The following ACADL variants were observed in gnomAD, a reference collection of about 807,000 sequenced individuals.
The protein encoded by ACADL is acyl-CoA dehydrogenase long chain, also known as long-chain specific acyl-CoA dehydrogenase, mitochondrial.
In ACADL, 60 loss-of-function variants were observed where a neutral mutation model predicts 56.9. The ratio of observed to expected loss-of-function variants is 1.05; its 90% CI spans 0.86 to 1.31. The LOEUF is 1.31. Among genes scored for constraint, ACADL ranks in the 50% most tolerant of loss-of-function variants. The pLI, the probability that ACADL is intolerant of heterozygous loss-of-function variation, is 0.00. For missense variants in ACADL, 484 were observed against 525.5 expected (o/e 0.92, Z 0.77); for synonymous variants, 158 against 179.7 (o/e 0.88, Z 0.97).
chr2:210,188,816 CTTATAT>C lies in ACADL; in HGVS notation c.*139_*144del, dbSNP rs1559631046. ...AGATTTGTCCTTCCACTGTGTTAAT[CTTATAT>C]TTATATTTTATTTCCTTCTCTATAG... On this transcript the variant is annotated 3_prime_UTR_variant, in exon 11 of 11. Transcript: ENST00000233710. The C allele has an allele frequency of 8.9e-6, 6 of 670,804 alleles. No homozygotes were observed. Among genetic ancestry groups the C allele is most frequent in the Middle Eastern group, 2.6e-4 (1 of 3,888 alleles). The allele number at this position is 670,804 out of a possible 1,614,324, so 41.6% of individuals were successfully genotyped here.
At chr2:210,191,212 C>T (rs1688628229) in intron 10 of ACADL, among the ~76,000 whole-genome samples, 1 of 152,078 alleles carries the variant, frequency 6.6e-6, no homozygotes, top group South Asian at 2.1e-4. Context: ...CGCACGTGGC[C>T]TCAGTGGCTT....
chr2:210,189,033 A>T lies in ACADL; in HGVS notation c.1221T>A (p.Val407=), dbSNP rs756382365. 1 of 1,612,908 alleles carries T rather than the reference A, an allele frequency of 6.2e-7. No homozygotes were observed. Among genetic ancestry groups the T allele is most frequent in the Non-Finnish European group, 8.5e-7 (1 of 1,178,998 alleles). Residue 407 remains valine (V), a synonymous_variant, in exon 11 of 11, where the codon GTT becomes GTA. Coordinates refer to ENST00000233710, the MANE Select transcript of ACADL (RefSeq NM_001608.4). ...PIAKAYVDAR[V]QPIYGGTNEI... The stretch of plus-strand genomic sequence containing the variant: ...CATTTGTACCACCATAGATTGGCTG[A>T]ACTCTGGCATCCACATAAGCTCTGG...
intron 10 of ACADL, 35 bp downstream of exon 10, chr2:210,192,769 T>C: frequency 6.6e-7 from 1 of 1,518,468 alleles, no homozygotes; most frequent in Non-Finnish European, 9.1e-7. Context: ...TTTCTTCACA[T>C]CATAAAGAAG....
At chr2:210,192,212 T>A (rs1444628288) in intron 10 of ACADL, among the ~76,000 whole-genome samples, 1 of 151,530 alleles carries the variant, frequency 6.6e-6, no homozygotes, top group Non-Finnish European at 1.5e-5. Flanking sequence ...TTTGGCCGGA[T>A]GCAGTGGCTC....
intron 1 of ACADL, chr2:210,224,965 C>T: frequency 1.5e-6 from 2 of 1,375,522 alleles, no homozygotes; most frequent in Non-Finnish European, 1.9e-6. Context: ...GGTCTGTTCT[C>T]GGGGCGGCAC....
intron 8 of ACADL, among the ~76,000 whole-genome samples, chr2:210,200,726 G>A (rs1233807027): frequency 6.6e-6 from 1 of 152,142 alleles, no homozygotes; most frequent in Non-Finnish European, 1.5e-5. Flanking sequence ...GATGGAAAAA[G>A]TTAATTTGAT....
Position 210,188,082 on chromosome 2 carries a change from CTTAT to C in ACADL, c.*875_*878del, listed in dbSNP as rs1265409544. 1 of 152,092 alleles carries C rather than the reference CTTAT, an allele frequency of 6.6e-6. No homozygotes were observed. Among genetic ancestry groups the C allele is most frequent in the Non-Finnish European group, 1.5e-5 (1 of 68,022 alleles). 9.4% of individuals were successfully genotyped at this position (152,092 alleles called of 1,614,324 possible). A position where few individuals can be genotyped will look rare whatever the true frequency, so the allele number is the denominator to read the frequency against. ...ATTTACTTCTTACCTTATTTTACTA[CTTAT>C]TTGTTTATTCACTTATTTTTTAGTG... On this transcript the variant is annotated 3_prime_UTR_variant, in exon 11 of 11. Coordinates refer to ENST00000233710, the MANE Select transcript of ACADL (RefSeq NM_001608.4).
At chr2:210,195,856 G>T (rs970722277) in intron 8 of ACADL, among the ~76,000 whole-genome samples, 1 of 151,978 alleles carries the variant, frequency 6.6e-6, no homozygotes. Context: ...ATTTAATATT[G>T]CACAGTATTT....
intron 2 of ACADL, among the ~76,000 whole-genome samples, 183 bp from the exon 3 acceptor site, chr2:210,218,285 CT>C (rs35116912): frequency 0.025 from 2,361 of 95,276 alleles, 21 homozygotes; most frequent in African/African-American, 0.09. Context: ...CTTTTTTCTG[CT>C]TTTTTTTTTT....
chr2:210,206,713 G>T (rs1204422732), intron 5 of ACADL, among the ~76,000 whole-genome samples: 1 of 152,104 alleles, frequency 6.6e-6, no homozygotes, highest in Admixed American at 6.6e-5. Context: ...CATCTTTCCT[G>T]GTTCATCTCA....
At chr2:210,223,474 C>G (rs908142910) in intron 1 of ACADL, among the ~76,000 whole-genome samples, 2 of 152,238 alleles carry the variant, frequency 1.3e-5, no homozygotes, top group Admixed American at 6.5e-5. Flanking sequence ...GAATCAGAAG[C>G]TGTATTTTAA....
intron 8 of ACADL, 130 bp downstream of exon 8, chr2:210,203,201 T>C: frequency 1.4e-6 from 1 of 709,438 alleles, no homozygotes; most frequent in Non-Finnish European, 2.6e-6. Flanking sequence ...CTCTCCTTAG[T>C]GATCTCATCC....
chr2:210,196,570 A>G (rs540874086), intron 8 of ACADL, among the ~76,000 whole-genome samples: 1 of 152,214 alleles, frequency 6.6e-6, no homozygotes, highest in South Asian at 2.1e-4. Context: ...CTTGGAGTGT[A>G]TATCTGTTCT....
intron 4 of ACADL, among the ~76,000 whole-genome samples, chr2:210,210,633 C>T (rs1252317574): frequency 6.6e-6 from 1 of 152,100 alleles, no homozygotes; most frequent in Non-Finnish European, 1.5e-5. Context: ...GTTCCTTCCC[C>T]TGTCTCTATT....
intron 10 of ACADL, among the ~76,000 whole-genome samples, 165 bp downstream of exon 10, chr2:210,192,639 A>T (rs762635944): frequency 5.4e-5 from 8 of 147,454 alleles, no homozygotes; most frequent in East Asian, 2.0e-4. Context: ...GGGAGTTGAT[A>T]AAAAAAAAGC....
At position 210,225,260 on chromosome 2, in the gene ACADL, C is replaced by T. The variant is rs866063435; in HGVS notation, c.4G>A (p.Ala2Thr). Reference protein sequence around the residue: MAARLLRGSLRV... With the variant: MTARLLRGSLRV... Reference sequence around the variant, plus strand: ...AGGGACCCTCGGAGAAGGCGTGCGGCCATGTCCGAAACACAGGGGCGGCGG... The same window carrying T: ...AGGGACCCTCGGAGAAGGCGTGCGGTCATGTCCGAAACACAGGGGCGGCGG... The change falls in exon 1 of 11, where the codon GCC becomes ACC. Residue 2 changes from alanine to threonine, a missense_variant. Ala to Thr is a moderately conservative substitution (Grantham distance 58, BLOSUM62 0). Transcript: ENST00000233710. 1.3e-6 allele frequency: 2 copies of T among 1,556,894 alleles called. No individual in the cohort carries two copies. Among genetic ancestry groups the T allele is most frequent in the East Asian group, 2.4e-5 (1 of 41,544 alleles).
At chr2:210,205,372 A>G (rs1314345929) in intron 6 of ACADL, among the ~76,000 whole-genome samples, 1 of 152,202 alleles carries the variant, frequency 6.6e-6, no homozygotes, top group Middle Eastern at 3.2e-3. Flanking sequence ...TTTTACAAAT[A>G]GATGGCTTGT....
chr2:210,190,249 T>C (rs1688609687), intron 10 of ACADL, among the ~76,000 whole-genome samples: 1 of 152,190 alleles, frequency 6.6e-6, no homozygotes, highest in African/African-American at 2.4e-5. Flanking sequence ...AACTTTCTGC[T>C]GAAAGCTTTA....
At chr2:210,220,218 A>C (rs1689152232) in intron 2 of ACADL, among the ~76,000 whole-genome samples, 2 of 152,188 alleles carry the variant, frequency 1.3e-5, no homozygotes. Context: ...GAAATAGATA[A>C]GTTTCTGGTC....
Sources: allele counts gnomAD v4.1 joint callset (sites outside exome capture counted in the v4.1 genomes callset), GRCh38; gene constraint gnomAD v4.1.1; transcripts MANE v1.5; gene names NCBI Gene and HGNC (gene_info 2026-07-23, HGNC 2026-07-21).